The following RABGAP1L variants were observed in gnomAD, a reference collection of about 807,000 sequenced individuals.
RABGAP1L encodes rab GTPase-activating protein 1-like.
A neutral mutation model predicts 137.7 loss-of-function variants in RABGAP1L; 63 were observed. That is an observed-to-expected ratio of 0.46 (90% CI 0.37 to 0.56). The LOEUF is 0.56. Ranked by LOEUF, RABGAP1L falls within the 20% of genes least tolerant of loss-of-function variation. RABGAP1L has a pLI of 0.00. For missense variants in RABGAP1L, 1,095 were observed against 1,244.0 expected, an observed-to-expected ratio of 0.88 and a Z score of 1.80; for synonymous variants, 431 against 433.7, an observed-to-expected ratio of 0.99 and a Z score of 0.08.
chr1:174,707,835 G>A (rs1321591068), intron 17 of RABGAP1L, among the ~76,000 whole-genome samples: 1 of 152,158 alleles, frequency 6.6e-6, no homozygotes, highest in Non-Finnish European at 1.5e-5. Flanking sequence ...AAAATTTTAA[G>A]TGAGTGACCT....
At chr1:174,485,526 T>A (rs1659543001) in intron 13 of RABGAP1L, among the ~76,000 whole-genome samples, 1 of 152,172 alleles carries the variant, frequency 6.6e-6, no homozygotes, top group African/African-American at 2.4e-5. Flanking sequence ...TATCCCCAGT[T>A]TTTGGAGGGT....
intron 18 of RABGAP1L, among the ~76,000 whole-genome samples, chr1:174,788,390 C>T (rs1162557539): frequency 6.6e-6 from 1 of 152,164 alleles, no homozygotes; most frequent in Non-Finnish European, 1.5e-5. Flanking sequence ...TAGCAAACCA[C>T]CTGTACTTTA....
intron 3 of RABGAP1L, among the ~76,000 whole-genome samples, chr1:174,230,477 T>C (rs1205013486): frequency 2.0e-5 from 3 of 152,194 alleles, no homozygotes; most frequent in Admixed American, 1.3e-4. Context: ...GGTCTTGTCC[T>C]GTGTCTGTGA....
At chr1:174,421,147 GCTA>G (rs1234235167) in intron 13 of RABGAP1L, among the ~76,000 whole-genome samples, 1 of 152,156 alleles carries the variant, frequency 6.6e-6, no homozygotes, top group Non-Finnish European at 1.5e-5. Context: ...TTCATCTTCT[GCTA>G]CTATCACAAA....
At chr1:174,635,934 T>C (rs997691571) in intron 13 of RABGAP1L, among the ~76,000 whole-genome samples, 10 of 152,286 alleles carry the variant, frequency 6.6e-5, no homozygotes, top group Admixed American at 1.3e-4. Context: ...TATATTAAAC[T>C]TTTTTTCTTT....
At chr1:174,550,448 A>G (rs571030724) in intron 13 of RABGAP1L, among the ~76,000 whole-genome samples, 2 of 152,278 alleles carry the variant, frequency 1.3e-5, no homozygotes, top group South Asian at 4.1e-4. Flanking sequence ...TCCAGTAACT[A>G]TCTTCTGCAA....
intron 9 of RABGAP1L, among the ~76,000 whole-genome samples, chr1:174,276,460 A>G (rs1675012440): frequency 6.6e-6 from 1 of 152,132 alleles, no homozygotes; most frequent in African/African-American, 2.4e-5. Flanking sequence ...TAATTTTATT[A>G]GATTATAGAG....
At chr1:174,467,346 A>G (rs1052705156) in intron 13 of RABGAP1L, among the ~76,000 whole-genome samples, 12 of 152,072 alleles carry the variant, frequency 7.9e-5, no homozygotes, top group African/African-American at 2.9e-4. Context: ...AAAGATTAAT[A>G]ATACTACCAG....
At chr1:174,382,821 C>T (rs368139490) in intron 12 of RABGAP1L, among the ~76,000 whole-genome samples, 30,121 of 149,884 alleles carry the variant, frequency 0.2, 2,921 homozygotes, top group Admixed American at 0.23. Flanking sequence ...AGCTTTGTTC[C>T]GTTGCTGGTG....
intron 10 of RABGAP1L, 71 bp from the exon 11 acceptor site, chr1:174,304,915 T>C: frequency 1.5e-6 from 2 of 1,332,222 alleles, no homozygotes; most frequent in Non-Finnish European, 2.0e-6. Flanking sequence ...TTGAATGCAT[T>C]ATTTAAATAC....
At chr1:174,604,590 A>G (rs72715259) in intron 13 of RABGAP1L, among the ~76,000 whole-genome samples, 30,268 of 152,008 alleles carry the variant, frequency 0.2, 3,444 homozygotes, top group Admixed American at 0.24. Flanking sequence ...TGTGGAGGGG[A>G]TAATCATTAG....
At chr1:174,969,453 C>T (rs1669944826) in intron 21 of RABGAP1L, 66 bp downstream of exon 21, 11 of 1,203,028 alleles carry the variant, frequency 9.1e-6, no homozygotes, top group Non-Finnish European at 1.3e-5. Flanking sequence ...CTCATCACCG[C>T]CCCCACAAAC....
intron 8 of RABGAP1L, among the ~76,000 whole-genome samples, chr1:174,275,519 A>G (rs556587624): frequency 2.8e-4 from 42 of 152,126 alleles, no homozygotes; most frequent in Admixed American, 1.3e-3. Context: ...GATTTGGACA[A>G]TTGGTGTCAA....
intron 11 of RABGAP1L, among the ~76,000 whole-genome samples, chr1:174,316,328 G>A (rs1679374822): frequency 6.6e-6 from 1 of 152,170 alleles, no homozygotes; most frequent in South Asian, 2.1e-4. Context: ...GCATCAAAGA[G>A]TTAGGTATTT....
chr1:174,664,755 T>TTG (rs1676652947), intron 14 of RABGAP1L, among the ~76,000 whole-genome samples: 1 of 134,562 alleles, frequency 7.4e-6, no homozygotes, highest in African/African-American at 3.1e-5. Flanking sequence ...TTTTTTTTTT[T>TTG]GACAGAGTTT....
chr1:174,617,294 C>A (rs1671978313), intron 13 of RABGAP1L, among the ~76,000 whole-genome samples: 1 of 152,176 alleles, frequency 6.6e-6, no homozygotes, highest in African/African-American at 2.4e-5. Context: ...ATCACAAAAT[C>A]TGTAGCAGAA....
intron 17 of RABGAP1L, among the ~76,000 whole-genome samples, chr1:174,715,075 C>G (rs1339992875): frequency 1.3e-5 from 2 of 152,008 alleles, no homozygotes; most frequent in East Asian, 3.8e-4. Flanking sequence ...GTAGCTGGAT[C>G]CAAATCATTT....
At chr1:174,700,964 A>C in intron 16 of RABGAP1L, 1 of 914,456 alleles carries the variant, frequency 1.1e-6, no homozygotes, top group South Asian at 1.8e-5. Context: ...TTCTGTTAGC[A>C]GTTTTTTTTC....
intron 13 of RABGAP1L, among the ~76,000 whole-genome samples, chr1:174,489,320 A>G (rs1659982868): frequency 6.6e-6 from 1 of 152,186 alleles, no homozygotes; most frequent in East Asian, 1.9e-4. Context: ...AAGAACTTAA[A>G]CAAATTTACA....
Sources: gnomAD v4.1 joint callset for allele counts (sites outside exome capture counted in the v4.1 genomes callset) on GRCh38, gnomAD v4.1.1 for gene constraint, MANE v1.5 for transcripts, NCBI Gene and HGNC (gene_info 2026-07-23, HGNC 2026-07-21) for gene names.